Variants in FMNL2 observed in about 807,000 individuals in gnomAD.
FMNL2 encodes the protein formin-like protein 2.
A neutral mutation model predicts 130.2 loss-of-function variants in FMNL2; 51 were observed. That is an observed-to-expected ratio of 0.39 (90% CI 0.31 to 0.49). FMNL2 has a LOEUF of 0.49. Among genes scored for constraint, FMNL2 ranks in the 20% least tolerant of loss-of-function variants. FMNL2 has a pLI of 0.85. For synonymous variants in FMNL2, 465 were observed against 467.1 expected (o/e 1.00, Z 0.06); for missense variants, 977 against 1,316.2 (o/e 0.74, Z 3.99).
At chr2:152,366,053 C>T (rs764787423) in intron 1 of FMNL2, among the ~76,000 whole-genome samples, 13 of 152,000 alleles carry the variant, frequency 8.6e-5, no homozygotes, top group Non-Finnish European at 1.9e-4. Context: ...AGGTTTAGAG[C>T]CCTTGATCTG....
At chr2:152,577,899 G>A (rs1184480316) in intron 7 of FMNL2, among the ~76,000 whole-genome samples, 1 of 152,218 alleles carries the variant, frequency 6.6e-6, no homozygotes, top group African/African-American at 2.4e-5. Context: ...ATGAGAGGCA[G>A]TGGCTGAACA....
intron 1 of FMNL2, among the ~76,000 whole-genome samples, chr2:152,415,604 TG>T: frequency 6.6e-6 from 1 of 151,948 alleles, no homozygotes; most frequent in South Asian, 2.1e-4. Context: ...ATTTTTGAGG[TG>T]GGTAATACTA....
intron 3 of FMNL2, among the ~76,000 whole-genome samples, chr2:152,545,491 A>G (rs901318411): frequency 7.2e-5 from 11 of 152,340 alleles, no homozygotes; most frequent in Middle Eastern, 3.4e-3. Context: ...CTCGGGCAGA[A>G]AAGGAAGAGC....
chr2:152,643,444 T>C (rs1398528139), intron 25 of FMNL2: 1 of 1,536,060 alleles, frequency 6.5e-7, no homozygotes, highest in Non-Finnish European at 8.7e-7. Context: ...CCTTTACTGC[T>C]CGCACCGCCA....
chr2:152,645,263 G>A (rs963647734), intron 25 of FMNL2, among the ~76,000 whole-genome samples: 1 of 152,158 alleles, frequency 6.6e-6, no homozygotes, highest in African/African-American at 2.4e-5. Flanking sequence ...GTGGGAAGAT[G>A]CACTCATCCT....
At chr2:152,635,717 CTG>C (rs1682541812) in intron 21 of FMNL2, among the ~76,000 whole-genome samples, 1 of 152,188 alleles carries the variant, frequency 6.6e-6, no homozygotes, top group Non-Finnish European at 1.5e-5. Flanking sequence ...GGGGGAGTGC[CTG>C]CCCCGGGAGG....
At chr2:152,576,219 A>G (rs1696472281) in intron 7 of FMNL2, among the ~76,000 whole-genome samples, 2 of 152,220 alleles carry the variant, frequency 1.3e-5, no homozygotes, top group African/African-American at 4.8e-5. Flanking sequence ...GTTAAATTTA[A>G]GAAGGGAAAC....
intron 1 of FMNL2, among the ~76,000 whole-genome samples, chr2:152,456,702 AG>A (rs960295349): frequency 2.6e-5 from 4 of 152,010 alleles, no homozygotes; most frequent in African/African-American, 9.7e-5. Flanking sequence ...CCAGCACTTT[AG>A]GAGACTGAGG....
intron 11 of FMNL2, among the ~76,000 whole-genome samples, chr2:152,613,846 T>C (rs144419085): frequency 5.3e-5 from 8 of 152,354 alleles, no homozygotes; most frequent in Admixed American, 6.5e-5. Flanking sequence ...TCATGACTTA[T>C]GTTACTTGTA....
intron 1 of FMNL2, among the ~76,000 whole-genome samples, chr2:152,505,915 G>A (rs1226582359): frequency 2.0e-5 from 3 of 152,142 alleles, no homozygotes; most frequent in African/African-American, 7.2e-5. Context: ...GAGTGAAAGG[G>A]GGCATTGTTA....
At chr2:152,617,050 T>A in intron 12 of FMNL2, 41 bp from the exon 13 acceptor site, 3 of 1,569,668 alleles carry the variant, frequency 1.9e-6, no homozygotes, top group Non-Finnish European at 2.6e-6. Context: ...CTGATCAAGA[T>A]GATCCTGTAT....
chr2:152,441,791 T>A (rs1688062161), intron 1 of FMNL2, among the ~76,000 whole-genome samples: 1 of 151,544 alleles, frequency 6.6e-6, no homozygotes, highest in Non-Finnish European at 1.5e-5. Flanking sequence ...GCTAAGATCA[T>A]GCCACTGCAC....
chr2:152,395,228 A>G (rs6751576), intron 1 of FMNL2, among the ~76,000 whole-genome samples: 111,970 of 152,160 alleles, frequency 0.74, 41,623 homozygotes, highest in East Asian at 0.91. Context: ...ATGTCTGTAT[A>G]TTCAGCTGGG....
chr2:152,459,853 GA>G (rs1168751282), intron 1 of FMNL2, among the ~76,000 whole-genome samples: 1 of 152,036 alleles, frequency 6.6e-6, no homozygotes, highest in Non-Finnish European at 1.5e-5. Context: ...AAATGGAAAA[GA>G]AAAAAACCCC....
At chr2:152,554,839 G>A (rs546400543) in intron 4 of FMNL2, among the ~76,000 whole-genome samples, 2 of 152,252 alleles carry the variant, frequency 1.3e-5, no homozygotes, top group African/African-American at 4.8e-5. Context: ...TGAAAAAATG[G>A]CTAGTTCAGC....
At chr2:152,546,106 C>T (rs1529998) in intron 3 of FMNL2, among the ~76,000 whole-genome samples, 30,610 of 152,094 alleles carry the variant, frequency 0.2, 3,280 homozygotes, top group Admixed American at 0.3. Context: ...CTCAGTGCTA[C>T]GCTGGGTGCC....
At chr2:152,546,559 T>C (rs1468549925) in intron 3 of FMNL2, among the ~76,000 whole-genome samples, 1 of 152,022 alleles carries the variant, frequency 6.6e-6, no homozygotes, top group African/African-American at 2.4e-5. Flanking sequence ...CAACGTGGGA[T>C]TTGGAAGGGA....
In FMNL2 at chr2:152,618,283, T is replaced by C. The variant is rs142861791; in HGVS notation, c.1315-563T>C. Among the ~76,000 whole-genome samples, 103 of 152,254 alleles carry C rather than the reference T, an allele frequency of 6.8e-4. No individual in the cohort carries two copies. The East Asian group carries it at 0.016, about 24-fold the overall frequency. ...GTTAACCGCATTACCGATGGGAAAA[T>C]GTTACAACAATCGCTATCCTGAGCT... On this transcript the variant is annotated intron_variant, in intron 13 of 25. Coordinates refer to ENST00000288670, the MANE Select transcript of FMNL2 (RefSeq NM_052905.4).
rs1238133828 is a variant in FMNL2 at position 152,367,999 on chromosome 2, G to A, written c.117+32279G>A. 2.6e-5 allele frequency among the ~76,000 whole-genome samples: 4 copies of A among 152,268 alleles called. No individual in the cohort carries two copies. The East Asian group carries it at 7.7e-4, about 29-fold the overall frequency. On this transcript the variant is annotated intron_variant, in intron 1 of 25. Transcript: ENST00000288670. ...TTCTTGACCTACTGAGCCAGTCTAC[G>A]TATTAACAAGATCTCACACGTGACT...
Sources: allele counts gnomAD v4.1 joint callset (sites outside exome capture counted in the v4.1 genomes callset), GRCh38; gene constraint gnomAD v4.1.1; transcripts MANE v1.5; gene names NCBI Gene and HGNC (gene_info 2026-07-23, HGNC 2026-07-21).